SPRYD7: variants seen among roughly 807,000 people sequenced by gnomAD.
SPRYD7 encodes SPRY domain-containing protein 7.
A neutral mutation model predicts 23.8 loss-of-function variants in SPRYD7; 14 were observed. The ratio of observed to expected loss-of-function variants is 0.59; its 90% CI spans 0.39 to 0.92. The LOEUF is 0.92. Ranked by LOEUF, SPRYD7 falls within the 40% of genes least tolerant of loss-of-function variation. SPRYD7 has a pLI of 0.00. For missense variants in SPRYD7, 194 were observed against 241.7 expected, an observed-to-expected ratio of 0.80 and a Z score of 1.31; for synonymous variants, 75 against 84.9, an observed-to-expected ratio of 0.88 and a Z score of 0.64.
intron 4 of SPRYD7, among the ~76,000 whole-genome samples, chr13:49,920,650 G>A (rs1050128915): frequency 1.1e-4 from 16 of 152,138 alleles, no homozygotes; most frequent in Admixed American, 6.5e-4. Context: ...ATATCCTACC[G>A]ACTACAATCC....
At position 49,913,533 on chromosome 13, in the gene SPRYD7, T is replaced by A. The variant is rs991169623; in HGVS notation, c.*1530A>T. ...TGATTTTTATTTTATTTTATTTTAA[T>A]TTTTTTTGAGACAGAGTCTCACTCT... On this transcript the variant is annotated 3_prime_UTR_variant, in exon 5 of 5. Transcript: ENST00000361840. 4.6e-5 allele frequency: 7 copies of A among 151,890 alleles called. No homozygotes were observed. The highest frequency in any genetic ancestry group is 1.7e-4 in the African/African-American group (7 of 41,360). The allele number at this position is 151,890 out of a possible 1,614,324, so 9.4% of individuals were successfully genotyped here.
chr13:49,935,202 C>T (rs774180816), intron 1 of SPRYD7, among the ~76,000 whole-genome samples: 2 of 152,094 alleles, frequency 1.3e-5, no homozygotes, highest in Non-Finnish European at 2.9e-5. Flanking sequence ...TTAAGAAGTG[C>T]CTTTTTATTT....
chr13:49,934,051 TAA>T (rs529014208), intron 1 of SPRYD7, among the ~76,000 whole-genome samples: 3 of 143,080 alleles, frequency 2.1e-5, no homozygotes, highest in Admixed American at 7.0e-5. Context: ...ACAATTTTGT[TAA>T]AAAAAAAAAA....
intron 4 of SPRYD7, among the ~76,000 whole-genome samples, chr13:49,921,010 C>A (rs1278222960): frequency 6.6e-6 from 1 of 151,978 alleles, no homozygotes; most frequent in Admixed American, 6.6e-5. Context: ...AACAATGTGT[C>A]CAGATTTCTA....
intron 2 of SPRYD7, among the ~76,000 whole-genome samples, chr13:49,929,606 C>T (rs1955924083): frequency 1.3e-5 from 2 of 152,196 alleles, no homozygotes; most frequent in South Asian, 2.1e-4. Context: ...AGCGATTCTC[C>T]TGCCTCAGCC....
intron 1 of SPRYD7, among the ~76,000 whole-genome samples, chr13:49,935,365 A>C (rs553094509): frequency 6.6e-6 from 1 of 152,340 alleles, no homozygotes; most frequent in Admixed American, 6.5e-5. Context: ...CAGAAGCATG[A>C]AACTACCTGG....
intron 2 of SPRYD7, among the ~76,000 whole-genome samples, chr13:49,930,555 T>G (rs763906985): frequency 6.6e-6 from 1 of 151,116 alleles, no homozygotes; most frequent in Non-Finnish European, 1.5e-5. Context: ...CACTCCAGCC[T>G]GGGTGACAGA....
At chr13:49,918,674 G>T (rs1380056248) in intron 4 of SPRYD7, among the ~76,000 whole-genome samples, 1 of 151,050 alleles carries the variant, frequency 6.6e-6, no homozygotes, top group Admixed American at 6.6e-5. Context: ...CACCGTGCCT[G>T]GCCTAATTAG....
Position 49,933,991 on chromosome 13 carries a change from A to G in SPRYD7, c.106+2139T>C, listed in dbSNP as rs551972821. Among the ~76,000 whole-genome samples, 7 of 152,008 alleles carry G rather than the reference A, an allele frequency of 4.6e-5. No homozygotes were observed. The South Asian group carries it at 6.2e-4, about 13-fold the overall frequency. ...TTCCAAAGTGGTTTTAAGTAATACAACATCACTAAAATAAGTGACAACCCT... is the reference window on the plus strand; with the variant it reads ...TTCCAAAGTGGTTTTAAGTAATACAGCATCACTAAAATAAGTGACAACCCT... On this transcript the variant is annotated intron_variant, in intron 1 of 4. Transcript: ENST00000361840.
intron 2 of SPRYD7, among the ~76,000 whole-genome samples, chr13:49,929,335 T>C (rs1190256445): frequency 6.6e-6 from 1 of 152,036 alleles, no homozygotes; most frequent in Non-Finnish European, 1.5e-5. Context: ...GTAAAAATAA[T>C]TTAGAAAATA....
rs1409190806 is a variant in SPRYD7 at position 49,914,389 on chromosome 13, G to A, written c.*674C>T. The A allele has an allele frequency of 6.5e-6, 1 of 153,262 alleles. No homozygotes were observed. The highest frequency in any genetic ancestry group is 1.5e-5 in the Non-Finnish European group (1 of 68,020). The allele number at this position is 153,262 out of a possible 1,614,324, so 9.5% of individuals were successfully genotyped here. ...CATACTATTCTAGATGTCTGCCAGT[G>A]TATACTACATTACTAATCAACCACT... On this transcript the variant is annotated 3_prime_UTR_variant, in exon 5 of 5. Transcript: ENST00000361840.
At chr13:49,920,335 GA>G (rs71082120) in intron 4 of SPRYD7, among the ~76,000 whole-genome samples, 3,317 of 152,226 alleles carry the variant, frequency 0.022, 75 homozygotes, top group Non-Finnish European at 0.038. Context: ...ATTTCCCTCA[GA>G]AGAGCATTAA....
At chr13:49,920,811 A>G (rs1211525302) in intron 4 of SPRYD7, among the ~76,000 whole-genome samples, 2 of 151,998 alleles carry the variant, frequency 1.3e-5, no homozygotes, top group African/African-American at 2.4e-5. Flanking sequence ...AAATACAAAA[A>G]GTAGCCAGGC....
rs1201264770 is a variant in SPRYD7, at chr13:49,913,503, G to A, written c.*1560C>T. On this transcript the variant is annotated 3_prime_UTR_variant, in exon 5 of 5. Coordinates refer to ENST00000361840, the MANE Select transcript of SPRYD7 (RefSeq NM_020456.4). ...ATCCAGGAAACTACACTTACTAAGT[G>A]CCTATGATTTTTATTTTATTTTATT... 1 of 150,858 alleles carries A rather than the reference G, an allele frequency of 6.6e-6. No homozygotes were observed. Among genetic ancestry groups the A allele is most frequent in the East Asian group, 1.9e-4 (1 of 5,172 alleles). The allele number at this position is 150,858 out of a possible 1,614,324, so 9.3% of individuals were successfully genotyped here. A position where few individuals can be genotyped will look rare whatever the true frequency, so the allele number is the denominator to read the frequency against.
intron 3 of SPRYD7, 75 bp from the exon 4 acceptor site, chr13:49,921,655 C>CA: frequency 2.2e-6 from 2 of 923,326 alleles, no homozygotes; most frequent in Non-Finnish European, 3.5e-6. Flanking sequence ...TATGGAAACA[C>CA]AAAAAGCTAA....
chr13:49,916,707 T>C (rs1386308694), intron 4 of SPRYD7, among the ~76,000 whole-genome samples: 1 of 152,134 alleles, frequency 6.6e-6, no homozygotes, highest in Non-Finnish European at 1.5e-5. Flanking sequence ...TAGTGAGGGA[T>C]GCATGCCCAA....
At chr13:49,923,882 C>A (rs909592099) in intron 3 of SPRYD7, among the ~76,000 whole-genome samples, 1 of 151,870 alleles carries the variant, frequency 6.6e-6, no homozygotes, top group Non-Finnish European at 1.5e-5. Context: ...ACTGTGTGTT[C>A]TATGTCTTTA....
Position 49,936,278 on chromosome 13 carries a change from C to T in SPRYD7, c.-43G>A, listed in dbSNP as rs1264495656. On this transcript the variant is annotated 5_prime_UTR_variant, in exon 1 of 5. Transcript: ENST00000361840. Reference sequence around the variant, plus strand: ...CTCCGCCGCCGTCCCTAGACCGAGGCGACACTGCCCCCCGCCGCTCAGCTC... The same window carrying T: ...CTCCGCCGCCGTCCCTAGACCGAGGTGACACTGCCCCCCGCCGCTCAGCTC... 13 of 1,421,184 alleles carry T rather than the reference C, an allele frequency of 9.1e-6. No homozygotes were observed. Among genetic ancestry groups the T allele is most frequent in the Non-Finnish European group, 1.3e-5 (13 of 1,039,274 alleles). The allele number at this position is 1,421,184 out of a possible 1,614,324, so 88.0% of individuals were successfully genotyped here.
In SPRYD7 at chr13:49,931,069, C is replaced by A; in HGVS notation, c.172G>T (p.Ala58Ser). Residue 58 changes from alanine to serine, a missense_variant, in exon 2 of 5, where the codon GCA becomes TCA. Transcript: ENST00000361840. ...TAGCTTTTGTTTTGATGTAAAGGTG[C>A]GCTGGCTAAACAACCTCCTGTTCCA... Reference protein sequence around the residue: ...ICGTGGCLASAPLHQNKSYFE... With the variant: ...ICGTGGCLASSPLHQNKSYFE... 2 of 1,613,514 alleles carry A rather than the reference C, an allele frequency of 1.2e-6. No individual in the cohort carries two copies. Among genetic ancestry groups the A allele is most frequent in the Non-Finnish European group, 8.5e-7 (1 of 1,179,704 alleles).
Sources: gnomAD v4.1 joint callset for allele counts (sites outside exome capture counted in the v4.1 genomes callset) on GRCh38, gnomAD v4.1.1 for gene constraint, MANE v1.5 for transcripts, NCBI Gene and HGNC (gene_info 2026-07-23, HGNC 2026-07-21) for gene names.